The following TBC1D5 variants were observed in gnomAD, a reference collection of about 807,000 sequenced individuals.
TBC1D5 encodes the protein TBC1 domain family, member 5.
In TBC1D5, 75 loss-of-function variants were observed where a neutral mutation model predicts 100.3. The ratio of observed to expected loss-of-function variants is 0.75; its 90% CI spans 0.62 to 0.91. The LOEUF (loss-of-function observed/expected upper bound fraction) is 0.91, where lower values mean the gene tolerates loss of function less well. Among genes scored for constraint, TBC1D5 ranks in the 40% least tolerant of loss-of-function variants. The pLI is 0.00. For synonymous variants in TBC1D5, 323 were observed against 325.6 expected (o/e 0.99, Z 0.09); for missense variants, 910 against 942.4 (o/e 0.97, Z 0.45).
In TBC1D5 at chr3:17,341,237, C is replaced by T. The variant is rs376391491; in HGVS notation, c.995+30838G>A. Among the ~76,000 whole-genome samples the T allele has an allele frequency of 5.9e-5, 9 of 151,996 alleles. No individual in the cohort carries two copies. The East Asian group carries it at 9.6e-4, about 16-fold the overall frequency. ...TTTGAGATGGAGTCTCGCTCTGTCG[C>T]CCAGGCTGGAGTGCAGTGGCATGAT... On this transcript the variant is annotated intron_variant, in intron 13 of 21. Coordinates refer to ENST00000253692, the Ensembl canonical transcript of TBC1D5.
At chr3:17,534,345 T>C (rs1165244982) in intron 2 of TBC1D5, among the ~76,000 whole-genome samples, 2 of 152,192 alleles carry the variant, frequency 1.3e-5, no homozygotes, top group Admixed American at 1.3e-4. Context: ...ACTTCTCAGG[T>C]TGGCAAGCAT....
chr3:17,318,189 T>C (rs537163955), intron 13 of TBC1D5, among the ~76,000 whole-genome samples: 2 of 126,470 alleles, frequency 1.6e-5, no homozygotes, highest in Non-Finnish European at 3.1e-5. Context: ...AGAACACATG[T>C]ACACAGGAAG....
chr3:17,439,701 G>A (rs1033133117), intron 3 of TBC1D5, among the ~76,000 whole-genome samples: 10 of 151,758 alleles, frequency 6.6e-5, no homozygotes, highest in South Asian at 2.1e-4. Flanking sequence ...CTAAATCCAC[G>A]AATTGATATG....
chr3:17,225,524 G>A (rs2074790515), intron 17 of TBC1D5, among the ~76,000 whole-genome samples: 1 of 151,836 alleles, frequency 6.6e-6, no homozygotes, highest in Non-Finnish European at 1.5e-5. Flanking sequence ...ATAACAGGCT[G>A]GGTGCAGTGT....
At chr3:17,494,941 GA>G (rs2095687198) in intron 3 of TBC1D5, among the ~76,000 whole-genome samples, 1 of 152,216 alleles carries the variant, frequency 6.6e-6, no homozygotes, top group Non-Finnish European at 1.5e-5. Context: ...GGGTTGCACA[GA>G]TCCATGAAAA....
chr3:17,618,809 C>T (rs985688929), intron 2 of TBC1D5, among the ~76,000 whole-genome samples: 2 of 152,208 alleles, frequency 1.3e-5, no homozygotes, highest in Non-Finnish European at 2.9e-5. Context: ...TAGTCTGTCA[C>T]GGCTTCCCTT....
At chr3:17,583,339 T>C (rs2096711879) in intron 2 of TBC1D5, among the ~76,000 whole-genome samples, 1 of 152,122 alleles carries the variant, frequency 6.6e-6, no homozygotes, top group Admixed American at 6.6e-5. Context: ...TAATCATTTT[T>C]CTACTTTGTT....
At chr3:17,539,188 T>C (rs1174445935) in intron 2 of TBC1D5, among the ~76,000 whole-genome samples, 1 of 151,830 alleles carries the variant, frequency 6.6e-6, no homozygotes, top group African/African-American at 2.4e-5. Context: ...AAAATACAAA[T>C]AAATAAAAAA....
At chr3:17,715,378 AT>A (rs2075135623) in intron 1 of TBC1D5, among the ~76,000 whole-genome samples, 1 of 152,308 alleles carries the variant, frequency 6.6e-6, no homozygotes, top group East Asian at 1.9e-4. Context: ...TATGACAATG[AT>A]TTTTTCAAGG....
chr3:17,284,712 A>G (rs997630440), intron 15 of TBC1D5, among the ~76,000 whole-genome samples: 1 of 152,228 alleles, frequency 6.6e-6, no homozygotes, highest in Non-Finnish European at 1.5e-5. Flanking sequence ...TAAATTTCAA[A>G]TACTGGTTTA....
At chr3:17,415,200 T>C (rs1366016432) in intron 4 of TBC1D5, among the ~76,000 whole-genome samples, 1 of 152,158 alleles carries the variant, frequency 6.6e-6, no homozygotes, top group African/African-American at 2.4e-5. Flanking sequence ...TCTATCGCCC[T>C]GGCTGGAGTG....
intron 18 of TBC1D5, among the ~76,000 whole-genome samples, chr3:17,186,101 A>AG (rs1331642681): frequency 6.6e-6 from 1 of 151,678 alleles, no homozygotes; most frequent in Admixed American, 6.6e-5. Context: ...AAAGCTAGCT[A>AG]GGATACCAAG....
intron 3 of TBC1D5, among the ~76,000 whole-genome samples, chr3:17,457,154 T>C (rs2095106820): frequency 6.6e-6 from 1 of 152,196 alleles, no homozygotes; most frequent in Non-Finnish European, 1.5e-5. Flanking sequence ...TGATATACAA[T>C]GTTGTTGGTT....
chr3:17,546,759 G>C (rs1264817984), intron 2 of TBC1D5, among the ~76,000 whole-genome samples: 1 of 148,746 alleles, frequency 6.7e-6, no homozygotes, highest in Non-Finnish European at 1.5e-5. Context: ...CTACAGCCTG[G>C]CTGACAAGAG....
intron 9 of TBC1D5, among the ~76,000 whole-genome samples, chr3:17,381,718 G>A (rs556203622): frequency 1.3e-5 from 2 of 151,908 alleles, no homozygotes; most frequent in East Asian, 1.9e-4. Flanking sequence ...CTTTTTATCC[G>A]ACTTGTAGAT....
intron 1 of TBC1D5, among the ~76,000 whole-genome samples, chr3:17,635,192 T>C (rs2153684402): frequency 6.6e-6 from 1 of 152,282 alleles, no homozygotes; most frequent in South Asian, 2.1e-4. Context: ...GAAATATGTT[T>C]GGAAGAGAAA....
rs192727803 is a variant in TBC1D5, at chr3:17,499,876, A to G, written c.97+8598T>C. Among the ~76,000 whole-genome samples the G allele has an allele frequency of 1.5e-4, 22 of 149,510 alleles. 4 individuals carry two copies. The highest frequency in any genetic ancestry group is 4.8e-4 in the African/African-American group (19 of 39,350). On this transcript the variant is annotated intron_variant, in intron 3 of 21. Transcript: ENST00000253692. The stretch of plus-strand genomic sequence containing the variant: ...CACCAGTGTCTCCTCTAGTTGTGCC[A>G]AGACCAATCAACCAAAACTACCACC...
intron 2 of TBC1D5, among the ~76,000 whole-genome samples, chr3:17,611,639 C>A (rs1198985503): frequency 6.6e-6 from 1 of 152,136 alleles, no homozygotes; most frequent in African/African-American, 2.4e-5. Context: ...GTCTCAATAG[C>A]AACTTTAGTT....
chr3:17,706,211 G>A (rs958556510), intron 1 of TBC1D5: 2 of 1,550,710 alleles, frequency 1.3e-6, no homozygotes, highest in Non-Finnish European at 1.7e-6. Flanking sequence ...TCGCGGCGAG[G>A]CCCAGGCTGT....
Sources: gnomAD v4.1 joint callset for allele counts (sites outside exome capture counted in the v4.1 genomes callset) on GRCh38, gnomAD v4.1.1 for gene constraint, MANE v1.5 for transcripts, NCBI Gene and HGNC (gene_info 2026-07-23, HGNC 2026-07-21) for gene names.